The following TTC1 variants were observed in gnomAD, a reference collection of about 807,000 sequenced individuals.
TTC1 encodes the protein tetratricopeptide repeat domain 1, also known as tetratricopeptide repeat protein 1.
In TTC1, 31 loss-of-function variants were observed where a neutral mutation model predicts 37.6. That is an observed-to-expected ratio of 0.82 (90% CI 0.62 to 1.11). The LOEUF is 1.11. TTC1 is among the 50% of genes most tolerant of loss of function. The pLI is 0.00. For synonymous variants in TTC1, 127 were observed against 122.4 expected (o/e 1.04, Z -0.25); for missense variants, 351 against 339.0 (o/e 1.04, Z -0.28).
At chr5:160,058,914 C>T (rs1472908108) in intron 7 of TTC1, among the ~76,000 whole-genome samples, 1 of 152,118 alleles carries the variant, frequency 6.6e-6, no homozygotes, top group Non-Finnish European at 1.5e-5. Flanking sequence ...TAGGTCTCAA[C>T]AATAGGCTTA....
intron 5 of TTC1, among the ~76,000 whole-genome samples, chr5:160,047,574 C>T (rs1757285113): frequency 6.6e-6 from 1 of 152,192 alleles, no homozygotes; most frequent in Non-Finnish European, 1.5e-5. Context: ...CAAAGCAGTC[C>T]TTCAAAAATG....
chr5:160,025,293 G>T (rs1203073898), intron 2 of TTC1, among the ~76,000 whole-genome samples: 1 of 152,194 alleles, frequency 6.6e-6, no homozygotes, highest in Admixed American at 6.5e-5. Flanking sequence ...CTCCCAAAGT[G>T]CTGGGATACA....
At chr5:160,054,013 G>A (rs185665158) in intron 7 of TTC1, among the ~76,000 whole-genome samples, 6 of 152,288 alleles carry the variant, frequency 3.9e-5, no homozygotes, top group South Asian at 2.1e-4. Context: ...GAAGATGATC[G>A]TGATAGCATC....
chr5:160,011,929 A>T (rs1756508851), intron 2 of TTC1, among the ~76,000 whole-genome samples: 2 of 152,320 alleles, frequency 1.3e-5, no homozygotes, highest in Admixed American at 6.5e-5. Context: ...TGGGGTGGGT[A>T]GGAGCATCTT....
At chr5:160,054,438 AC>A (rs1300406627) in intron 7 of TTC1, among the ~76,000 whole-genome samples, 1 of 151,920 alleles carries the variant, frequency 6.6e-6, no homozygotes, top group Admixed American at 6.6e-5. Context: ...ACATGGCAAG[AC>A]CCCCATCTCT....
At chr5:160,032,869 A>ACACC (rs551636171) in intron 2 of TTC1, among the ~76,000 whole-genome samples, 31 of 148,020 alleles carry the variant, frequency 2.1e-4, no homozygotes, top group Admixed American at 7.5e-4. Context: ...GCCTGCCACC[A>ACACC]CACCCAGCTA....
At chr5:160,036,450 A>G in intron 3 of TTC1, 2 of 378,332 alleles carry the variant, frequency 5.3e-6, no homozygotes, top group East Asian at 4.7e-5. Flanking sequence ...CACTGACAGC[A>G]TGTTCAGCTG....
chr5:160,013,398 TA>T (rs577522562), intron 2 of TTC1, among the ~76,000 whole-genome samples: 177 of 142,724 alleles, frequency 1.2e-3, no homozygotes, highest in Middle Eastern at 3.8e-3. Flanking sequence ...CAACAATGAC[TA>T]AAAAAAAAAA....
intron 2 of TTC1, among the ~76,000 whole-genome samples, chr5:160,014,172 A>G (rs368551279): frequency 2.7e-4 from 41 of 152,066 alleles, no homozygotes; most frequent in African/African-American, 9.4e-4. Flanking sequence ...AGCCTGGCCA[A>G]CATAGTGAAA....
rs990783176 is a variant in TTC1, at chr5:160,011,945, T to C, written c.330+1087T>C. 3.3e-5 allele frequency among the ~76,000 whole-genome samples: 5 copies of C among 152,296 alleles called. No individual in the cohort carries two copies. In the East Asian group the frequency reaches 9.7e-4, roughly 29 times the overall value. On this transcript the variant is annotated intron_variant, in intron 2 of 7. Transcript: ENST00000231238. ...GGGGTGGGTAGGAGCATCTTCTCTTTCTCTCTCCTTAGACGCTTTTCATTA... is the reference window on the plus strand; with the variant it reads ...GGGGTGGGTAGGAGCATCTTCTCTTCCTCTCTCCTTAGACGCTTTTCATTA...
At chr5:160,021,918 ACTCCAGCTATTGAT>A (rs557362473) in intron 2 of TTC1, among the ~76,000 whole-genome samples, 66 of 151,894 alleles carry the variant, frequency 4.3e-4, no homozygotes, top group Non-Finnish European at 7.9e-4. Flanking sequence ...GCTCTCTTTT[ACTCCAGCTATTGAT>A]CTCTGGGTAC....
intron 2 of TTC1, among the ~76,000 whole-genome samples, chr5:160,031,951 A>G (rs916363256): frequency 2.0e-5 from 3 of 152,204 alleles, no homozygotes; most frequent in African/African-American, 2.4e-5. Flanking sequence ...TTATGGTGCC[A>G]CTGCACTCCA....
At position 160,065,108 on chromosome 5, in the gene TTC1, C is replaced by T; in HGVS notation, c.*43C>T. 1.3e-6 allele frequency: 2 copies of T among 1,593,640 alleles called. No homozygotes were observed. Among genetic ancestry groups the T allele is most frequent in the Non-Finnish European group, 1.7e-6 (2 of 1,173,912 alleles). ...TTACAAGCTGACTTGGAATTGTGTG[C>T]TGCTTGCTGTTAGCTAGGGGAAAGG... is the stretch of plus-strand genomic sequence containing the variant. On this transcript the variant is annotated 3_prime_UTR_variant, in exon 8 of 8. Transcript: ENST00000231238.
At chr5:160,018,222 C>A (rs977981124) in intron 2 of TTC1, among the ~76,000 whole-genome samples, 1 of 152,190 alleles carries the variant, frequency 6.6e-6, no homozygotes, top group Non-Finnish European at 1.5e-5. Flanking sequence ...CCTTACCAGA[C>A]GCGAAATCTG....
chr5:160,030,900 A>AAGAC (rs1756897287), intron 2 of TTC1, among the ~76,000 whole-genome samples: 1 of 152,206 alleles, frequency 6.6e-6, no homozygotes, highest in Non-Finnish European at 1.5e-5. Context: ...AGAACCTGGA[A>AAGAC]AGACTTTCCT....
intron 7 of TTC1, among the ~76,000 whole-genome samples, chr5:160,055,568 C>G (rs1397237035): frequency 2.0e-5 from 3 of 152,232 alleles, no homozygotes; most frequent in African/African-American, 7.2e-5. Context: ...AAAACCATGC[C>G]AAAAGGCATG....
At chr5:160,048,013 A>G (rs533728335) in intron 5 of TTC1, among the ~76,000 whole-genome samples, 2 of 152,238 alleles carry the variant, frequency 1.3e-5, no homozygotes, top group South Asian at 4.1e-4. Context: ...GCCCAGAGAC[A>G]TACTACATTG....
At chr5:160,058,409 C>CT (rs1171929571) in intron 7 of TTC1, among the ~76,000 whole-genome samples, 9,601 of 129,784 alleles carry the variant, frequency 0.074, 480 homozygotes, top group Non-Finnish European at 0.091. Flanking sequence ...AAGTGTATTT[C>CT]TTTTTTTTTT....
In TTC1 at chr5:160,010,794, C is replaced by T. The variant is rs752108060; in HGVS notation, c.266C>T (p.Ser89Phe). 5.6e-6 allele frequency: 9 copies of T among 1,614,126 alleles called. No individual in the cohort carries two copies. The highest frequency in any genetic ancestry group is 1.1e-5 in the South Asian group (1 of 91,078). ...VENKSNEDVN[S>F]SELDEEYLIE... ...AACAAATCTAATGAAGATGTGAATT[C>T]CTCTGAACTAGATGAAGAATACCTA... The change falls in exon 2 of 8, where the codon TCC becomes TTC. Residue 89 changes from serine (S) to phenylalanine (F), a missense_variant. Physicochemically the swap from Ser to Phe is radical, Grantham distance 155. Transcript: ENST00000231238.
Sources: gnomAD v4.1 joint callset for allele counts (sites outside exome capture counted in the v4.1 genomes callset) on GRCh38, gnomAD v4.1.1 for gene constraint, MANE v1.5 for transcripts, NCBI Gene and HGNC (gene_info 2026-07-23, HGNC 2026-07-21) for gene names.